Variants in CHD7 observed in about 807,000 individuals in gnomAD.
CHD7 encodes the protein ATP-dependent chromatin remodeler CHD7.
A neutral mutation model predicts 307.3 loss-of-function variants in CHD7; 24 were observed. The ratio of observed to expected loss-of-function variants is 0.08; its 90% CI spans 0.06 to 0.11. The LOEUF is 0.11. Among genes scored for constraint, CHD7 ranks in the 10% least tolerant of loss-of-function variants. CHD7 has a pLI of 1.00. For synonymous variants in CHD7, 1,363 were observed against 1,349.9 expected, an observed-to-expected ratio of 1.01 and a Z score of -0.21; for missense variants, 3,106 against 3,727.1, an observed-to-expected ratio of 0.83 and a Z score of 4.34.
At chr8:60,681,812 C>A (rs558007399) in intron 1 of CHD7, among the ~76,000 whole-genome samples, 3 of 152,020 alleles carry the variant, frequency 2.0e-5, no homozygotes, top group Non-Finnish European at 4.4e-5. Context: ...TTCTCCTGTT[C>A]GAGTCACTAA....
At chr8:60,852,801 A>C in intron 30 of CHD7, 28 bp from the exon 31 acceptor site, 1 of 1,609,218 alleles carries the variant, frequency 6.2e-7, no homozygotes, top group Non-Finnish European at 8.5e-7. Context: ...ATTCTCCCCA[A>C]GTAAATATGA....
chr8:60,787,158 G>A (rs1811529484), intron 3 of CHD7, among the ~76,000 whole-genome samples: 1 of 151,968 alleles, frequency 6.6e-6, no homozygotes, highest in Admixed American at 6.6e-5. Context: ...CTCCTGTTGG[G>A]GTGGATGGTG....
chr8:60,856,106 C>A lies in CHD7; in HGVS notation c.7068C>A (p.Ser2356Arg), dbSNP rs1272345661. 2 of 1,610,870 alleles carry A rather than the reference C, an allele frequency of 1.2e-6. No individual in the cohort carries two copies. The highest frequency in any genetic ancestry group is 1.7e-6 in the Non-Finnish European group (2 of 1,178,478). The change falls in exon 33 of 38, where the codon AGC (serine) becomes AGA (arginine). Residue 2356 changes from serine (S) to arginine (R), a missense_variant. Physicochemically the swap from Ser to Arg is moderately radical, Grantham distance 110. Coordinates refer to ENST00000423902, the MANE Select transcript of CHD7 (RefSeq NM_017780.4). ...GTTACACACCCACCACAGTGGACAG[C>A]CCCTTGCAGAAGAGGAGCTTTGCTG... ...IPGYTPTTVDSPLQKRSFAEL... is the reference protein window; with the variant it reads ...IPGYTPTTVDRPLQKRSFAEL...
intron 1 of CHD7, among the ~76,000 whole-genome samples, chr8:60,717,524 C>T (rs141519276): frequency 3.5e-4 from 54 of 152,256 alleles, no homozygotes; most frequent in African/African-American, 1.2e-3. Context: ...GGTCATGCTA[C>T]AACTCAGGTG....
intron 29 of CHD7, 49 bp downstream of exon 29, chr8:60,852,296 C>A: frequency 1.3e-6 from 2 of 1,524,396 alleles, no homozygotes; most frequent in Non-Finnish European, 1.8e-6. Flanking sequence ...TGCCCCTCTG[C>A]CCTGCTCCTG....
intron 37 of CHD7, 39 bp from the exon 38 acceptor site, chr8:60,864,977 C>T: frequency 1.3e-6 from 2 of 1,536,584 alleles, no homozygotes; most frequent in South Asian, 1.2e-5. Context: ...TTGTCTTCGA[C>T]AGCCTTTATA....
intron 1 of CHD7, among the ~76,000 whole-genome samples, chr8:60,699,019 T>A (rs778547197): frequency 3.3e-5 from 5 of 152,212 alleles, no homozygotes; most frequent in Non-Finnish European, 7.3e-5. Context: ...GAGGTGGGAC[T>A]ACAGGTGTGG....
chr8:60,746,490 A>G (rs2150587538), intron 2 of CHD7, among the ~76,000 whole-genome samples: 1 of 152,308 alleles, frequency 6.6e-6, no homozygotes, highest in East Asian at 1.9e-4. Context: ...ATTATTTTGC[A>G]TTTTATATAT....
intron 1 of CHD7, among the ~76,000 whole-genome samples, chr8:60,735,567 G>A (rs1808661192): frequency 2.0e-5 from 3 of 152,076 alleles, no homozygotes; most frequent in Non-Finnish European, 4.4e-5. Context: ...GAAGAAATAA[G>A]AATATATGTT....
chr8:60,683,640 A>G (rs1358566074), intron 1 of CHD7, among the ~76,000 whole-genome samples: 5 of 152,256 alleles, frequency 3.3e-5, no homozygotes. Flanking sequence ...TTAAGAAACT[A>G]AAGTCCAGAG....
Position 60,742,454 on chromosome 8 carries a change from A to G in CHD7, c.1022A>G (p.Asn341Ser). Reference sequence around the variant, plus strand: ...GGCCTTACAAATAATACTCCAATGAATCAGTCCGTACCAAGATACCCCAAT... The same window carrying G: ...GGCCTTACAAATAATACTCCAATGAGTCAGTCCGTACCAAGATACCCCAAT... ...NLGLTNNTPM[N>S]QSVPRYPNAV... The change falls in exon 2 of 38, where the codon AAT becomes AGT. Residue 341 changes from asparagine (N) to serine (S), a missense_variant. Physicochemically the swap from Asn to Ser is conservative, Grantham distance 46 (BLOSUM62 1). Around this residue, in one of 10 missense-constraint regions of CHD7, gnomAD observed 998 missense variants for 1,004.5 expected, o/e 0.99. Coordinates refer to ENST00000423902, the MANE Select transcript of CHD7 (RefSeq NM_017780.4). 1 of 1,614,062 alleles carries G rather than the reference A, an allele frequency of 6.2e-7. No individual in the cohort carries two copies. Among genetic ancestry groups the G allele is most frequent in the East Asian group, 2.2e-5 (1 of 44,892 alleles).
chr8:60,851,382 G>T, intron 28 of CHD7, 63 bp downstream of exon 28: 1 of 1,220,872 alleles, frequency 8.2e-7, no homozygotes, highest in Non-Finnish European at 1.2e-6. Context: ...TTGTTCACGT[G>T]GTAGGGACTG....
rs1307065439 is a variant in CHD7 at position 60,865,012 on chromosome 8, C to G, written c.8077-4C>G. ...AGCCACTGTTTGCCTCCCCTGTACT[C>G]CAGGGTTTTGTTCCTGAGTCGATGT... On this transcript the variant is annotated splice_polypyrimidine_tract_variant and splice_region_variant and intron_variant, in intron 37 of 37. Transcript: ENST00000423902. The surrounding 1 kb of genome is among the most constrained non-coding windows in gnomAD (Gnocchi z 4.3). 4.4e-6 allele frequency: 7 copies of G among 1,587,050 alleles called. No homozygotes were observed. The highest frequency in any genetic ancestry group is 6.0e-6 in the Non-Finnish European group (7 of 1,164,608).
chr8:60,699,290 G>A (rs1418947741), intron 1 of CHD7, among the ~76,000 whole-genome samples: 1 of 152,186 alleles, frequency 6.6e-6, no homozygotes, highest in Non-Finnish European at 1.5e-5. Context: ...TTAAGATGAA[G>A]TGTAGGAGCT....
intron 9 of CHD7, 29 bp from the exon 10 acceptor site, chr8:60,821,761 C>G: frequency 6.5e-7 from 1 of 1,544,034 alleles, no homozygotes. Context: ...CAAATGAATC[C>G]AATTCTGATT....
intron 1 of CHD7, among the ~76,000 whole-genome samples, chr8:60,722,557 C>T (rs1456145766): frequency 6.6e-6 from 1 of 152,138 alleles, no homozygotes; most frequent in Admixed American, 6.6e-5. Flanking sequence ...TGGATAATTA[C>T]TACATTTGAA....
At chr8:60,702,165 T>TG (rs1806796601) in intron 1 of CHD7, among the ~76,000 whole-genome samples, 1 of 152,192 alleles carries the variant, frequency 6.6e-6, no homozygotes, top group Admixed American at 6.5e-5. Context: ...GAGGATTATA[T>TG]GGGGGCAGGT....
rs753589296 is a variant in CHD7, at chr8:60,845,418, T to C, written c.5210+9T>C. 5 of 1,613,388 alleles carry C rather than the reference T, an allele frequency of 3.1e-6. No individual in the cohort carries two copies. Among genetic ancestry groups the C allele is most frequent in the East Asian group, 2.2e-5 (1 of 44,846 alleles). ...AAGCATCACTGTAACAAGTATGTTA[T>C]TAGAGGGTGGACCTGGAGAGCTTAA... is the stretch of plus-strand genomic sequence containing the variant. On this transcript the variant is annotated intron_variant, in intron 23 of 37. Transcript: ENST00000423902.
chr8:60,834,336 C>T (rs1804653619), intron 15 of CHD7, among the ~76,000 whole-genome samples: 1 of 152,060 alleles, frequency 6.6e-6, no homozygotes, highest in African/African-American at 2.4e-5. Flanking sequence ...AAATAATTAA[C>T]CAAATGTCAT....
Sources: allele counts gnomAD v4.1 joint callset (sites outside exome capture counted in the v4.1 genomes callset), GRCh38; gene constraint gnomAD v4.1.1; regional missense constraint gnomAD v4.1.1; non-coding constraint Gnocchi (gnomAD v3.1); transcripts MANE v1.5; gene names NCBI Gene and HGNC (gene_info 2026-07-23, HGNC 2026-07-21).